ST8SIA6: variants seen among roughly 807,000 people sequenced by gnomAD.
The protein encoded by ST8SIA6 is ST8 alpha-N-acetyl-neuraminide alpha-2,8-sialyltransferase 6, also known as alpha-2,8-sialyltransferase 8F.
Under a neutral mutation model 33.6 loss-of-function variants are expected in ST8SIA6, and 39 were observed. The observed-to-expected ratio is 1.16, with a 90% CI of 0.90 to 1.52. ST8SIA6 has a LOEUF of 1.52. ST8SIA6 is among the 40% of genes most tolerant of loss of function. The pLI, the probability that ST8SIA6 is intolerant of heterozygous loss-of-function variation, is 0.00. For synonymous variants in ST8SIA6, 172 were observed against 167.2 expected, an observed-to-expected ratio of 1.03 and a Z score of -0.22; for missense variants, 441 against 443.8, an observed-to-expected ratio of 0.99 and a Z score of 0.06.
At chr10:17,377,875 T>A (rs1849971336) in intron 3 of ST8SIA6, among the ~76,000 whole-genome samples, 1 of 152,216 alleles carries the variant, frequency 6.6e-6, no homozygotes, top group Admixed American at 6.5e-5. Context: ...CTTTCCCCGT[T>A]GTGCTCCCTA....
At chr10:17,358,702 AGG>A (rs1849283504) in intron 4 of ST8SIA6, among the ~76,000 whole-genome samples, 1 of 137,174 alleles carries the variant, frequency 7.3e-6, no homozygotes, top group Admixed American at 7.4e-5. Flanking sequence ...AAAAAGGAGG[AGG>A]AGGAGGAAAG....
intron 4 of ST8SIA6, among the ~76,000 whole-genome samples, chr10:17,345,306 G>A (rs887479509): frequency 1.4e-4 from 22 of 152,282 alleles, no homozygotes; most frequent in African/African-American, 5.3e-4. Flanking sequence ...ATATTTTGCT[G>A]GTTCTGTAAT....
At chr10:17,337,150 C>T (rs1848529163) in intron 4 of ST8SIA6, among the ~76,000 whole-genome samples, 5 of 126,774 alleles carry the variant, frequency 3.9e-5, no homozygotes, top group Admixed American at 2.2e-4. Context: ...CTCCCCTTCT[C>T]TCTCTTCCTC....
chr10:17,368,406 T>TAAAAAA (rs1355260433), intron 3 of ST8SIA6, among the ~76,000 whole-genome samples: 1 of 22,836 alleles, frequency 4.4e-5, no homozygotes, highest in Admixed American at 5.6e-4. Context: ...AAGCTCTGTC[T>TAAAAAA]CAAAAAAAAA....
chr10:17,404,873 CTTT>C (rs1405010462), intron 2 of ST8SIA6, among the ~76,000 whole-genome samples: 1 of 152,166 alleles, frequency 6.6e-6, no homozygotes, highest in Non-Finnish European at 1.5e-5. Context: ...ATACTTTCTT[CTTT>C]AACTGAGCTA....
chr10:17,436,522 CT>C (rs1852263033), intron 2 of ST8SIA6, among the ~76,000 whole-genome samples: 1 of 119,230 alleles, frequency 8.4e-6, no homozygotes, highest in South Asian at 3.7e-4. Context: ...TCCCTCCCCC[CT>C]CCCCCCACCC....
chr10:17,420,581 C>T (rs1392194572), intron 2 of ST8SIA6, among the ~76,000 whole-genome samples: 1 of 152,076 alleles, frequency 6.6e-6, no homozygotes, highest in African/African-American at 2.4e-5. Flanking sequence ...ATTTAGGCAC[C>T]ATGAGATAGT....
At chr10:17,382,679 T>C (rs1199416888) in intron 3 of ST8SIA6, among the ~76,000 whole-genome samples, 1 of 152,188 alleles carries the variant, frequency 6.6e-6, no homozygotes, top group Non-Finnish European at 1.5e-5. Context: ...AATTAAAGCC[T>C]TATCTTCAGG....
rs756670201 is a variant in ST8SIA6, at chr10:17,320,834, C to T, written c.*44G>A. ...GGTGTTTGGAGACATTGTTAATCACCTACTGCATTATATTAAAATTATTCC... is the reference window on the plus strand; with the variant it reads ...GGTGTTTGGAGACATTGTTAATCACTTACTGCATTATATTAAAATTATTCC... On this transcript the variant is annotated 3_prime_UTR_variant, in exon 8 of 8. Transcript: ENST00000377602. 6.3e-7 allele frequency: 1 copy of T among 1,580,860 alleles called. No individual in the cohort carries two copies. The highest frequency in any genetic ancestry group is 1.1e-5 in the South Asian group (1 of 88,522).
At chr10:17,445,360 T>A (rs1200338639) in intron 2 of ST8SIA6, among the ~76,000 whole-genome samples, 2 of 152,084 alleles carry the variant, frequency 1.3e-5, no homozygotes, top group African/African-American at 4.8e-5. Context: ...TGGCAACAGA[T>A]CAGCTGCTTC....
At chr10:17,345,649 T>C (rs1301503007) in intron 4 of ST8SIA6, among the ~76,000 whole-genome samples, 2 of 152,110 alleles carry the variant, frequency 1.3e-5, no homozygotes, top group Non-Finnish European at 2.9e-5. Flanking sequence ...AGGTGGAGAA[T>C]GCTGGAGAAC....
chr10:17,417,493 G>GGAAT, intron 2 of ST8SIA6, among the ~76,000 whole-genome samples: 1 of 152,110 alleles, frequency 6.6e-6, no homozygotes, highest in African/African-American at 2.4e-5. Context: ...TACTCCCTAT[G>GGAAT]GAATGCTCAC....
chr10:17,440,561 G>A (rs748875396), intron 2 of ST8SIA6, among the ~76,000 whole-genome samples: 2 of 152,060 alleles, frequency 1.3e-5, no homozygotes, highest in African/African-American at 4.8e-5. Flanking sequence ...AAGGTCTTAG[G>A]GCTATCCATA....
intron 3 of ST8SIA6, among the ~76,000 whole-genome samples, chr10:17,368,133 C>T (rs1266650835): frequency 5.3e-5 from 8 of 151,090 alleles, no homozygotes; most frequent in East Asian, 1.9e-4. Flanking sequence ...CAGTGGCTCA[C>T]GCCTATAATC....
intron 3 of ST8SIA6, among the ~76,000 whole-genome samples, chr10:17,385,604 G>A (rs1006583411): frequency 2.0e-5 from 3 of 152,066 alleles, no homozygotes; most frequent in African/African-American, 7.3e-5. Flanking sequence ...GGTGGGGAGA[G>A]CTGGAGACAT....
intron 2 of ST8SIA6, among the ~76,000 whole-genome samples, chr10:17,441,146 T>G (rs1182341708): frequency 1.3e-5 from 2 of 152,134 alleles, no homozygotes; most frequent in African/African-American, 4.8e-5. Context: ...TTTTATTGAT[T>G]ATGCTTTTGG....
chr10:17,327,267 A>G (rs1274272249), intron 5 of ST8SIA6, 141 bp from the exon 6 acceptor site: 2 of 593,954 alleles, frequency 3.4e-6, no homozygotes, highest in Non-Finnish European at 5.6e-6. Context: ...CCAGTTTGCT[A>G]ATCAACTTAC....
intron 2 of ST8SIA6, among the ~76,000 whole-genome samples, chr10:17,411,922 GTT>G (rs34919851): frequency 1.3e-5 from 2 of 148,732 alleles, no homozygotes; most frequent in Non-Finnish European, 1.5e-5. Context: ...TTTAAGGAAT[GTT>G]TTTTTTTTTC....
intron 2 of ST8SIA6, among the ~76,000 whole-genome samples, chr10:17,424,971 G>A (rs1013573447): frequency 6.6e-6 from 1 of 152,056 alleles, no homozygotes; most frequent in East Asian, 1.9e-4. Context: ...CTGGCCTCAA[G>A]TGATTCTCCC....
Sources: allele counts gnomAD v4.1 joint callset (sites outside exome capture counted in the v4.1 genomes callset), GRCh38; gene constraint gnomAD v4.1.1; transcripts MANE v1.5; gene names NCBI Gene and HGNC (gene_info 2026-07-23, HGNC 2026-07-21).